The following CFAP47 variants were observed in gnomAD, a reference collection of about 807,000 sequenced individuals.
CFAP47 encodes cilia- and flagella-associated protein 47.
In CFAP47, 29 loss-of-function variants were observed where a neutral mutation model predicts 148.1. That is an observed-to-expected ratio of 0.20 (90% CI 0.15 to 0.27). The LOEUF (loss-of-function observed/expected upper bound fraction) is 0.27. CFAP47 is among the 10% of genes least tolerant of loss of function. The pLI is 1.00. For synonymous variants in CFAP47, 664 were observed against 577.3 expected (o/e 1.15, Z -2.15); for missense variants, 1,872 against 1,697.5 (o/e 1.10, Z -1.81).
intron 49 of CFAP47, among the ~76,000 whole-genome samples, chrX:36,267,668 C>T (rs183869728): frequency 2.0e-3 from 223 of 110,399 alleles, no homozygotes; most frequent in African/African-American, 7.2e-3. Context: ...TTGGTAGAGA[C>T]GGGGTTTCAC....
At chrX:36,362,413 A>G (rs1941836464) in intron 61 of CFAP47, among the ~76,000 whole-genome samples, 1 of 112,335 alleles carries the variant, frequency 8.9e-6, no homozygotes, top group Non-Finnish European at 1.9e-5. Context: ...GAGAACATGC[A>G]GTATTTGGTT....
intron 46 of CFAP47, among the ~76,000 whole-genome samples, chrX:36,235,074 C>T (rs1263109034): frequency 1.8e-5 from 2 of 111,326 alleles, no homozygotes; most frequent in East Asian, 2.8e-4. Context: ...GGGTCAGGGA[C>T]GCACTTGAGG....
At chrX:36,376,287 C>G (rs1038652233) in intron 62 of CFAP47, among the ~76,000 whole-genome samples, 21 of 112,102 alleles carry the variant, frequency 1.9e-4, no homozygotes, top group Non-Finnish European at 3.2e-4. Flanking sequence ...AAGTTATAGT[C>G]TCTTGTTCTT....
intron 1 of CFAP47, among the ~76,000 whole-genome samples, chrX:35,923,513 T>A (rs751392637): frequency 9.0e-6 from 1 of 111,303 alleles, no homozygotes; most frequent in Non-Finnish European, 1.9e-5. Flanking sequence ...TTCCCATGGA[T>A]AAAGCATATA....
At chrX:36,054,662 C>T (rs1345417964) in intron 26 of CFAP47, among the ~76,000 whole-genome samples, 2 of 111,288 alleles carry the variant, frequency 1.8e-5, no homozygotes, top group Non-Finnish European at 3.8e-5. Context: ...TTTTGTAATA[C>T]GGTTTTCAGA....
intron 63 of CFAP47, among the ~76,000 whole-genome samples, chrX:36,383,710 T>C (rs1556024598): frequency 9.0e-6 from 1 of 111,343 alleles, no homozygotes; most frequent in African/African-American, 3.3e-5. Context: ...CATTCTTGTA[T>C]TGTTGTGCAA....
chrX:36,179,178 A>G (rs1431783889), intron 39 of CFAP47, among the ~76,000 whole-genome samples, 167 bp from the exon 40 acceptor site: 1 of 112,290 alleles, frequency 8.9e-6, no homozygotes, highest in Non-Finnish European at 1.9e-5. Flanking sequence ...TCTAACATAT[A>G]TCTTTTGAGT....
chrX:36,212,904 G>C (rs782574147), intron 45 of CFAP47, among the ~76,000 whole-genome samples: 2 of 110,638 alleles, frequency 1.8e-5, no homozygotes, highest in East Asian at 5.7e-4. Flanking sequence ...CTTGAGACCA[G>C]GAGTTCGAGA....
At chrX:36,303,446 A>G (rs1446938190) in intron 53 of CFAP47, among the ~76,000 whole-genome samples, 1 of 110,418 alleles carries the variant, frequency 9.1e-6, no homozygotes. Flanking sequence ...CAGCTTCCCA[A>G]AGCATTGGGA....
intron 30 of CFAP47, among the ~76,000 whole-genome samples, chrX:36,088,282 A>G (rs2146779953): frequency 9.0e-6 from 1 of 111,642 alleles, no homozygotes; most frequent in Non-Finnish European, 1.9e-5. Flanking sequence ...ATTTTATAAT[A>G]AATTTTGTAT....
chrX:36,236,605 A>G, intron 47 of CFAP47, 81 bp from the exon 48 acceptor site: 2 of 436,407 alleles, frequency 4.6e-6, no homozygotes, highest in Admixed American at 8.6e-5. Flanking sequence ...TTAATCAGAC[A>G]CAAGAAGAAT....
Position 36,348,163 on chromosome X carries a change from C to T in CFAP47, c.8478C>T (p.Ile2826=). 9.6e-7 allele frequency: 1 copy of T among 1,043,354 alleles called. No homozygotes were observed. The highest frequency in any genetic ancestry group is 1.2e-6 in the Non-Finnish European group (1 of 802,044). The allele number at this position is 1,043,354 out of a possible 1,213,427, so 86.0% of individuals were successfully genotyped here. A position where few individuals can be genotyped will look rare whatever the true frequency, so the allele number is the denominator to read the frequency against. The change falls in exon 58 of 64, where the codon ATC becomes ATT. Residue 2826 remains isoleucine (I), a synonymous_variant. Transcript: ENST00000378653. ...TGCCTCCTAAAGGAAATATAGATAT[C>T]TCATTGTTATTTATACCTCAAATTA... ...IALPPKGNID[I]SLLFIPQIMK... is the part of the protein sequence containing the mutation.
intron 61 of CFAP47, among the ~76,000 whole-genome samples, chrX:36,365,338 A>C (rs1057216743): frequency 3.6e-5 from 4 of 109,872 alleles, no homozygotes; most frequent in African/African-American, 1.3e-4. Flanking sequence ...TTAAAATTTT[A>C]CTCCCTTTTT....
At chrX:36,180,704 A>G (rs1178676431) in intron 40 of CFAP47, among the ~76,000 whole-genome samples, 1 of 112,348 alleles carries the variant, frequency 8.9e-6, no homozygotes, top group Non-Finnish European at 1.9e-5. Flanking sequence ...TTCAATGGTT[A>G]TTCTGTGAGA....
chrX:36,300,088 A>G lies in CFAP47; in HGVS notation c.7862+936A>G, dbSNP rs1602098073. ...CATACATTAAAAAAATTTTTGGCTA[A>G]TACTTACTGTCTGCCTACTCTGTTA... On this transcript the variant is annotated intron_variant, in intron 52 of 63. Coordinates refer to ENST00000378653, the MANE Select transcript of CFAP47 (RefSeq NM_001304548.2). 3.6e-5 allele frequency among the ~76,000 whole-genome samples: 4 copies of G among 111,277 alleles called. No individual in the cohort carries two copies. In the South Asian group the frequency reaches 1.5e-3, roughly 42 times the overall value.
At chrX:36,234,570 G>A (rs1940425374) in intron 46 of CFAP47, among the ~76,000 whole-genome samples, 1 of 111,624 alleles carries the variant, frequency 9.0e-6, no homozygotes, top group Non-Finnish European at 1.9e-5. Flanking sequence ...ATTTCCTCCT[G>A]TAGCTCGGAA....
chrX:35,958,786 C>A (rs1051950081), intron 8 of CFAP47, among the ~76,000 whole-genome samples: 1 of 112,025 alleles, frequency 8.9e-6, no homozygotes, highest in Non-Finnish European at 1.9e-5. Context: ...TATGGCAAAG[C>A]AGAATTCAGG....
At chrX:36,124,895 A>G (rs950604121) in intron 33 of CFAP47, among the ~76,000 whole-genome samples, 2 of 111,420 alleles carry the variant, frequency 1.8e-5, no homozygotes, top group Non-Finnish European at 3.8e-5. Context: ...TTTTAGGAAT[A>G]TTCACAATTG....
chrX:36,257,345 T>C (rs1940765417), intron 49 of CFAP47, among the ~76,000 whole-genome samples: 1 of 111,935 alleles, frequency 8.9e-6, no homozygotes, highest in Non-Finnish European at 1.9e-5. Context: ...AAGACTTTAA[T>C]ATGTTGATCA....
Sources: allele counts gnomAD v4.1 joint callset (sites outside exome capture counted in the v4.1 genomes callset), GRCh38; gene constraint gnomAD v4.1.1; transcripts MANE v1.5; gene names NCBI Gene and HGNC (gene_info 2026-07-23, HGNC 2026-07-21).